ZBTB16: variants seen among roughly 807,000 people sequenced by gnomAD.
The protein encoded by ZBTB16 is zinc finger and BTB domain containing 16.
In ZBTB16, 8 loss-of-function variants were observed where a neutral mutation model predicts 56.8. That is an observed-to-expected ratio of 0.14 (90% confidence interval 0.08 to 0.25). ZBTB16 has a LOEUF of 0.25. Ranked by LOEUF, ZBTB16 falls within the 10% of genes least tolerant of loss-of-function variation. The probability of loss-of-function intolerance (pLI) is 1.00; values close to 1 mark genes in which losing one functional copy is unlikely to be tolerated. For missense variants in ZBTB16, 625 were observed against 903.0 expected (o/e 0.69, Z 3.95); for synonymous variants, 363 against 368.5 (o/e 0.98, Z 0.17).
intron 4 of ZBTB16, among the ~76,000 whole-genome samples, chr11:114,228,749 C>T (rs1044354113): frequency 1.3e-5 from 2 of 152,212 alleles, no homozygotes; most frequent in African/African-American, 2.4e-5. Flanking sequence ...CTGAGGTGGG[C>T]GGGGCCGGTG....
intron 3 of ZBTB16, among the ~76,000 whole-genome samples, chr11:114,178,321 A>G (rs1274933185): frequency 2.6e-5 from 4 of 152,180 alleles, no homozygotes; most frequent in African/African-American, 9.7e-5. Flanking sequence ...AACACTTTAC[A>G]TATATTATTT....
At chr11:114,223,350 A>T (rs1944273411) in intron 4 of ZBTB16, among the ~76,000 whole-genome samples, 1 of 152,166 alleles carries the variant, frequency 6.6e-6, no homozygotes, top group African/African-American at 2.4e-5. Flanking sequence ...GAATATACGG[A>T]CTCAGAAGCC....
chr11:114,061,428 C>G (rs2735211), intron 1 of ZBTB16: 58,034 of 152,210 alleles, frequency 0.38, 11,363 homozygotes, highest in Admixed American at 0.49. Context: ...CGGCTGAATG[C>G]TCATCCCAAC....
At chr11:114,222,850 A>C (rs1156573187) in intron 4 of ZBTB16, among the ~76,000 whole-genome samples, 1 of 152,126 alleles carries the variant, frequency 6.6e-6, no homozygotes, top group Non-Finnish European at 1.5e-5. Flanking sequence ...GGAGGGACGA[A>C]AACCCACCAA....
chr11:114,062,104 C>CT (rs35612820), intron 1 of ZBTB16, among the ~76,000 whole-genome samples: 52,911 of 143,636 alleles, frequency 0.37, 11,634 homozygotes, highest in East Asian at 0.5. Flanking sequence ...CACACACACA[C>CT]TTTTTTTTTT....
rs1159678853 is a variant in ZBTB16, at chr11:114,171,021, T to TG, written c.1366+14593dup. Among the ~76,000 whole-genome samples the TG allele has an allele frequency of 9.2e-5, 14 of 152,288 alleles. No individual in the cohort carries two copies. The East Asian group carries it at 2.7e-3, about 29-fold the overall frequency. On this transcript the variant is annotated intron_variant, in intron 3 of 6. Transcript: ENST00000335953. Reference sequence around the variant, plus strand: ...TCCAGCACATCTGAGAGAGCACTGCTGGGGGGCCAGTTTTGCATTAATTGA... The same window carrying TG: ...TCCAGCACATCTGAGAGAGCACTGCTGGGGGGGCCAGTTTTGCATTAATTGA...
chr11:114,110,519 A>G (rs17116384), intron 2 of ZBTB16, among the ~76,000 whole-genome samples: 39,069 of 152,094 alleles, frequency 0.26, 5,744 homozygotes, highest in Middle Eastern at 0.31. Context: ...ACTGATGCAG[A>G]TTTAAAGAAG....
chr11:114,188,754 G>T (rs1450994048), intron 4 of ZBTB16: 1 of 152,182 alleles, frequency 6.6e-6, no homozygotes, highest in Non-Finnish European at 1.5e-5. Context: ...ACGATATCAT[G>T]TCTGCTTATA....
At chr11:114,091,491 C>T (rs755313289) in intron 2 of ZBTB16, among the ~76,000 whole-genome samples, 1 of 151,522 alleles carries the variant, frequency 6.6e-6, no homozygotes. Flanking sequence ...CGTAGACGTC[C>T]GAGCAGCCCC....
chr11:114,171,028 C>T (rs933667829), intron 3 of ZBTB16, among the ~76,000 whole-genome samples: 1 of 152,128 alleles, frequency 6.6e-6, no homozygotes, highest in African/African-American at 2.4e-5. Flanking sequence ...TGCTGGGGGG[C>T]CAGTTTTGCA....
At chr11:114,238,671 T>C (rs1485908389) in intron 4 of ZBTB16, among the ~76,000 whole-genome samples, 1 of 152,082 alleles carries the variant, frequency 6.6e-6, no homozygotes, top group African/African-American at 2.4e-5. Flanking sequence ...GGTCCTTTCA[T>C]GGCACTGCAT....
chr11:114,073,256 A>T (rs945617558), intron 2 of ZBTB16, among the ~76,000 whole-genome samples: 5 of 152,112 alleles, frequency 3.3e-5, no homozygotes, highest in African/African-American at 1.2e-4. Flanking sequence ...GGATCCAAGG[A>T]CTAGTACGTC....
At chr11:114,065,385 T>C (rs1036079770) in intron 2 of ZBTB16, among the ~76,000 whole-genome samples, 2 of 152,344 alleles carry the variant, frequency 1.3e-5, no homozygotes, top group South Asian at 4.1e-4. Context: ...GAGTTGCATT[T>C]TCATTACAAC....
rs1400388583 is a variant in ZBTB16, at chr11:114,235,420, C to T, written c.1454-6747C>T. On this transcript the variant is annotated intron_variant, in intron 4 of 6. Coordinates refer to ENST00000335953, the MANE Select transcript of ZBTB16 (RefSeq NM_006006.6). ...TGAACATCTTCTCCAGCTGTGTACC[C>T]CTCTGATCCTCTTCCTTCCCATCTA... Among the ~76,000 whole-genome samples the T allele has an allele frequency of 4.6e-5, 7 of 152,358 alleles. No individual in the cohort carries two copies. In the East Asian group the frequency reaches 1.3e-3, roughly 29 times the overall value.
At chr11:114,141,100 A>C (rs1311111848) in intron 2 of ZBTB16, among the ~76,000 whole-genome samples, 1 of 152,078 alleles carries the variant, frequency 6.6e-6, no homozygotes, top group Non-Finnish European at 1.5e-5. Flanking sequence ...CCACCTGCCC[A>C]CTGTGGATAA....
intron 2 of ZBTB16, among the ~76,000 whole-genome samples, chr11:114,071,493 A>G (rs1354431348): frequency 1.3e-5 from 2 of 152,182 alleles, no homozygotes; most frequent in African/African-American, 2.4e-5. Context: ...TCGTTCTAGG[A>G]AAACTATTAT....
intron 4 of ZBTB16, among the ~76,000 whole-genome samples, chr11:114,192,350 C>T (rs1397069829): frequency 6.6e-6 from 1 of 152,126 alleles, no homozygotes; most frequent in Non-Finnish European, 1.5e-5. Context: ...AGGTCAGCCC[C>T]AGATAGAAGG....
In ZBTB16 at chr11:114,217,562, G is replaced by A. The variant is rs953307977; in HGVS notation, c.1454-24605G>A. 4.6e-5 allele frequency among the ~76,000 whole-genome samples: 7 copies of A among 152,288 alleles called. No individual in the cohort carries two copies. In the East Asian group the frequency reaches 7.8e-4, roughly 17 times the overall value. On this transcript the variant is annotated intron_variant, in intron 4 of 6. Transcript: ENST00000335953. ...GCAGGTTTGAGAGGCGAAGATGTGGGTTTCAGGTTTGGATATTCAGGTTGA... is the reference window on the plus strand; with the variant it reads ...GCAGGTTTGAGAGGCGAAGATGTGGATTTCAGGTTTGGATATTCAGGTTGA...
chr11:114,128,036 G>T (rs950583047), intron 2 of ZBTB16, among the ~76,000 whole-genome samples: 3 of 152,202 alleles, frequency 2.0e-5, no homozygotes, highest in African/African-American at 7.2e-5. Flanking sequence ...GAAAGATTCA[G>T]TGGGAAGGGT....
Sources: allele counts gnomAD v4.1 joint callset (sites outside exome capture counted in the v4.1 genomes callset), GRCh38; gene constraint gnomAD v4.1.1; transcripts MANE v1.5; gene names NCBI Gene and HGNC (gene_info 2026-07-23, HGNC 2026-07-21).